Variants in BANK1 observed in about 807,000 individuals in gnomAD.
BANK1 encodes B-cell scaffold protein with ankyrin repeats.
Under a neutral mutation model 94.5 loss-of-function variants are expected in BANK1, and 95 were observed. The observed-to-expected ratio is 1.00, with a 90% CI of 0.85 to 1.19. BANK1 has a LOEUF of 1.19. BANK1 is among the 50% of genes most tolerant of loss of function. The pLI, the probability that BANK1 is intolerant of heterozygous loss-of-function variation, is 0.00. For missense variants in BANK1, 987 were observed against 932.2 expected, an observed-to-expected ratio of 1.06 and a Z score of -0.77; for synonymous variants, 334 against 308.4, an observed-to-expected ratio of 1.08 and a Z score of -0.87.
chr4:101,863,762 T>A (rs148999625), intron 4 of BANK1, among the ~76,000 whole-genome samples: 312 of 152,282 alleles, frequency 2.0e-3, no homozygotes, highest in Non-Finnish European at 3.3e-3. Flanking sequence ...CTTGTCTCAA[T>A]GCCCCCTACT....
At chr4:101,838,118 G>A (rs1001976778) in intron 2 of BANK1, among the ~76,000 whole-genome samples, 1 of 151,906 alleles carries the variant, frequency 6.6e-6, no homozygotes, top group African/African-American at 2.4e-5. Flanking sequence ...TGCTACGCCC[G>A]GCTAATTCTT....
chr4:102,032,662 C>A (rs940383889), intron 10 of BANK1, among the ~76,000 whole-genome samples: 1 of 152,028 alleles, frequency 6.6e-6, no homozygotes, highest in Non-Finnish European at 1.5e-5. Flanking sequence ...GCAGGTGGAT[C>A]ACCTGAGGTC....
chr4:102,047,660 ATAAAT>A (rs1321022724), intron 11 of BANK1, among the ~76,000 whole-genome samples: 1 of 152,170 alleles, frequency 6.6e-6, no homozygotes, highest in East Asian at 1.9e-4. Flanking sequence ...TGTTTTTCTT[ATAAAT>A]TATTCAATTA....
chr4:101,803,317 G>A (rs1725418214), intron 1 of BANK1, among the ~76,000 whole-genome samples: 1 of 152,020 alleles, frequency 6.6e-6, no homozygotes, highest in African/African-American at 2.4e-5. Context: ...GTGAGAGGGA[G>A]GGAATTAACA....
At chr4:101,858,242 A>G (rs1727751334) in intron 3 of BANK1, among the ~76,000 whole-genome samples, 1 of 152,136 alleles carries the variant, frequency 6.6e-6, no homozygotes, top group Non-Finnish European at 1.5e-5. Flanking sequence ...GAGATTTTTG[A>G]TTGTCATAAC....
intron 11 of BANK1, among the ~76,000 whole-genome samples, chr4:102,049,111 C>CT (rs1727968743): frequency 6.6e-6 from 1 of 152,174 alleles, no homozygotes; most frequent in Admixed American, 6.5e-5. Context: ...TCACAGAGGA[C>CT]TGATTCATAC....
intron 6 of BANK1, 66 bp downstream of exon 6, chr4:101,895,476 G>A: frequency 1.0e-6 from 1 of 996,288 alleles, no homozygotes; most frequent in Non-Finnish European, 1.5e-6. Flanking sequence ...ACTCTTTAAT[G>A]AATGTTATAA....
In BANK1 at chr4:101,790,951, G is replaced by T. The variant is rs745966192; in HGVS notation, c.70+1G>T. The T allele has an allele frequency of 1.3e-6, 2 of 1,509,004 alleles. No individual in the cohort carries two copies. The highest frequency in any genetic ancestry group is 1.8e-6 in the Non-Finnish European group (2 of 1,134,968). The allele number at this position is 1,509,004 out of a possible 1,614,324, so 93.5% of individuals were successfully genotyped here. On this transcript the variant is annotated splice_donor_variant, in intron 1 of 16. Transcript: ENST00000322953. LOFTEE classifies it high-confidence loss of function. ...GCCCCCTGCGGCCCAGCGCCCCCAG[G>T]TGGGTAGTCGCGCATTCGGAGGGGC...
chr4:101,792,464 TG>T (rs67216178), intron 1 of BANK1, among the ~76,000 whole-genome samples: 27,059 of 96,468 alleles, frequency 0.28, 3,105 homozygotes, highest in Non-Finnish European at 0.41. Flanking sequence ...TGTGTGTGTG[TG>T]TGTGTTTTTT....
At chr4:101,933,464 T>C (rs1392273534) in intron 7 of BANK1, among the ~76,000 whole-genome samples, 1 of 151,568 alleles carries the variant, frequency 6.6e-6, no homozygotes, top group African/African-American at 2.4e-5. Flanking sequence ...ACAAGGGTTG[T>C]TATGTCTGTA....
intron 4 of BANK1, among the ~76,000 whole-genome samples, chr4:101,868,363 TATC>T (rs958505951): frequency 3.9e-5 from 6 of 151,986 alleles, no homozygotes; most frequent in Admixed American, 2.0e-4. Flanking sequence ...AAAGAAAAAT[TATC>T]ATGAATGAAC....
chr4:101,970,050 G>A (rs915299687), intron 7 of BANK1, among the ~76,000 whole-genome samples: 21 of 152,082 alleles, frequency 1.4e-4, no homozygotes, highest in African/African-American at 4.8e-4. Context: ...AGTTTTAAAG[G>A]ATTTTACCAG....
intron 6 of BANK1, among the ~76,000 whole-genome samples, chr4:101,914,544 A>G (rs1267763241): frequency 2.6e-5 from 4 of 152,154 alleles, no homozygotes. Context: ...GTTATGTTCT[A>G]TAAAGTAATC....
At chr4:101,829,783 A>G in intron 1 of BANK1, 25 bp from the exon 2 acceptor site, 7 of 1,433,186 alleles carry the variant, frequency 4.9e-6, no homozygotes, top group Non-Finnish European at 6.6e-6. Flanking sequence ...TTGCAAATAT[A>G]AGAAAATATT....
chr4:102,050,710 A>G (rs1225206990), intron 11 of BANK1, among the ~76,000 whole-genome samples: 1 of 152,220 alleles, frequency 6.6e-6, no homozygotes, highest in Non-Finnish European at 1.5e-5. Flanking sequence ...ACCATTTGTT[A>G]TCATGCTTTC....
intron 1 of BANK1, among the ~76,000 whole-genome samples, chr4:101,800,393 T>C (rs1175584405): frequency 2.0e-5 from 3 of 152,182 alleles, no homozygotes; most frequent in Non-Finnish European, 2.9e-5. Context: ...TTTCCTTTTT[T>C]CTTTTTTTGT....
intron 1 of BANK1, among the ~76,000 whole-genome samples, chr4:101,793,195 C>G (rs1725053704): frequency 6.6e-6 from 1 of 152,130 alleles, no homozygotes; most frequent in South Asian, 2.1e-4. Flanking sequence ...ACGCTGGATG[C>G]TTATACTTGT....
intron 7 of BANK1, among the ~76,000 whole-genome samples, chr4:101,978,138 A>T (rs1158995196): frequency 6.6e-6 from 1 of 150,500 alleles, no homozygotes; most frequent in African/African-American, 2.4e-5. Context: ...ATAATAAAAA[A>T]GTAGGTACTT....
intron 11 of BANK1, among the ~76,000 whole-genome samples, chr4:102,059,885 G>A (rs1728353587): frequency 6.6e-6 from 1 of 152,058 alleles, no homozygotes; most frequent in African/African-American, 2.4e-5. Context: ...TAAGTATTTT[G>A]TGCACGTGAT....
Sources: gnomAD v4.1 joint callset for allele counts (sites outside exome capture counted in the v4.1 genomes callset) on GRCh38, gnomAD v4.1.1 for gene constraint, MANE v1.5 for transcripts, NCBI Gene and HGNC (gene_info 2026-07-23, HGNC 2026-07-21) for gene names.